The following GREB1L variants were observed in gnomAD, a reference collection of about 807,000 sequenced individuals.
GREB1L encodes GREB1 like retinoic acid receptor coactivator.
A neutral mutation model predicts 200.8 loss-of-function variants in GREB1L; 17 were observed. That is an observed-to-expected ratio of 0.08 (90% CI 0.06 to 0.13). The LOEUF (loss-of-function observed/expected upper bound fraction) is 0.13. GREB1L is among the 10% of genes least tolerant of loss of function. The probability of loss-of-function intolerance (pLI) is 1.00; values close to 1 mark genes in which losing one functional copy is unlikely to be tolerated. For synonymous variants in GREB1L, 789 were observed against 893.0 expected (o/e 0.88, Z 2.08); for missense variants, 1,657 against 2,367.7 (o/e 0.70, Z 6.23).
chr18:21,491,553 C>CA (rs1211778770), intron 19 of GREB1L, among the ~76,000 whole-genome samples: 63 of 147,336 alleles, frequency 4.3e-4, no homozygotes, highest in African/African-American at 5.7e-4. Flanking sequence ...ACTAAAAATA[C>CA]AAAAAAAAAA....
chr18:21,378,871 GT>G (rs369404327), intron 2 of GREB1L, among the ~76,000 whole-genome samples: 24 of 146,240 alleles, frequency 1.6e-4, no homozygotes, highest in South Asian at 4.4e-4. Flanking sequence ...TTAATTTAGT[GT>G]TTTTTTTTTC....
chr18:21,266,009 T>C (rs1320116837), intron 1 of GREB1L, among the ~76,000 whole-genome samples: 1 of 152,208 alleles, frequency 6.6e-6, no homozygotes, highest in Non-Finnish European at 1.5e-5. Flanking sequence ...AAGAAAAGTA[T>C]TAAAAATGTA....
chr18:21,331,919 T>C (rs1381256681), intron 1 of GREB1L, among the ~76,000 whole-genome samples: 1 of 152,242 alleles, frequency 6.6e-6, no homozygotes, highest in Non-Finnish European at 1.5e-5. Context: ...ATATTTAAGG[T>C]ATTTACATTC....
chr18:21,379,492 A>G (rs1865880836), intron 2 of GREB1L, among the ~76,000 whole-genome samples: 2 of 152,232 alleles, frequency 1.3e-5, no homozygotes, highest in South Asian at 4.1e-4. Context: ...GATGTGAGCC[A>G]CCACGCCAGG....
chr18:21,279,586 A>G (rs571135604), intron 1 of GREB1L, among the ~76,000 whole-genome samples: 28 of 152,328 alleles, frequency 1.8e-4, no homozygotes, highest in African/African-American at 6.0e-4. Context: ...AAGAGTACCA[A>G]TTTCACTGCG....
chr18:21,437,438 C>T (rs1026338291), intron 7 of GREB1L, among the ~76,000 whole-genome samples: 6 of 152,098 alleles, frequency 3.9e-5, no homozygotes, highest in Non-Finnish European at 8.8e-5. Context: ...GGCTGAACAA[C>T]TTTATAATGC....
intron 17 of GREB1L, among the ~76,000 whole-genome samples, chr18:21,484,282 C>G (rs2036040431): frequency 6.6e-6 from 1 of 150,862 alleles, no homozygotes; most frequent in South Asian, 2.1e-4. Flanking sequence ...TCAAGGTATT[C>G]TTCTGCCTCA....
chr18:21,284,538 A>G (rs1364889345), intron 1 of GREB1L, among the ~76,000 whole-genome samples: 1 of 152,194 alleles, frequency 6.6e-6, no homozygotes, highest in Non-Finnish European at 1.5e-5. Context: ...CCATTGCATG[A>G]TTATACCACA....
rs1171162360 is a variant in GREB1L, at chr18:21,505,558, G to A, written c.4219G>A (p.Val1407Ile). The A allele has an allele frequency of 6.4e-7, 1 of 1,551,616 alleles. No homozygotes were observed. Among genetic ancestry groups the A allele is most frequent in the African/African-American group, 1.4e-5 (1 of 73,052 alleles). Residue 1407 changes from valine to isoleucine, a missense_variant, in exon 24 of 33, where the codon GTC (valine) becomes ATC (isoleucine). By Grantham distance (29) the Val-to-Ile change is conservative. This residue lies in a region of GREB1L where 512 missense variants were observed against 668.3 expected (regional missense o/e 0.77). Coordinates refer to ENST00000424526, the MANE Select transcript of GREB1L (RefSeq NM_001142966.3). ...GGTGTATACTGAGAAGCTGGCAGGG[G>A]TCAAACAAGGTCAGTGCAATCAGCC... ...SLVYTEKLAG[V>I]KQEVIKESKV...
chr18:21,257,041 T>C (rs904329138), intron 1 of GREB1L, among the ~76,000 whole-genome samples: 1 of 150,180 alleles, frequency 6.7e-6, no homozygotes, highest in African/African-American at 2.4e-5. Flanking sequence ...TCAGGAAATG[T>C]TAGTTATTTT....
chr18:21,387,109 A>C (rs542746260), intron 4 of GREB1L, among the ~76,000 whole-genome samples: 7 of 152,334 alleles, frequency 4.6e-5, no homozygotes, highest in African/African-American at 1.7e-4. Flanking sequence ...TTATCGGAGT[A>C]GTGTAGGTTC....
At chr18:21,299,531 TTTTC>T (rs964513064) in intron 1 of GREB1L, among the ~76,000 whole-genome samples, 4 of 151,670 alleles carry the variant, frequency 2.6e-5, no homozygotes, top group South Asian at 2.1e-4. Context: ...CTTTTTTTTT[TTTTC>T]TTTCTTTCTT....
intron 16 of GREB1L, among the ~76,000 whole-genome samples, chr18:21,476,395 A>G (rs566360186): frequency 5.3e-5 from 8 of 151,806 alleles, no homozygotes; most frequent in Admixed American, 1.3e-4. Context: ...GAAGGGAGGG[A>G]GAGAGAGAGA....
intron 32 of GREB1L, among the ~76,000 whole-genome samples, chr18:21,521,349 C>T (rs1490364040): frequency 2.7e-5 from 4 of 147,670 alleles, no homozygotes; most frequent in African/African-American, 7.5e-5. Flanking sequence ...CCAGCCTGGG[C>T]AACAACAGTG....
At chr18:21,304,303 T>C (rs2038665221) in intron 1 of GREB1L, among the ~76,000 whole-genome samples, 3 of 151,998 alleles carry the variant, frequency 2.0e-5, no homozygotes, top group African/African-American at 7.2e-5. Flanking sequence ...TCATACAGTC[T>C]TTGGTAGGGG....
intron 2 of GREB1L, among the ~76,000 whole-genome samples, chr18:21,374,994 G>A (rs1207186380): frequency 6.6e-6 from 1 of 151,314 alleles, no homozygotes; most frequent in Non-Finnish European, 1.5e-5. Context: ...TGAGACTACA[G>A]GCACCTGCCA....
rs533075938 is a variant in GREB1L, at chr18:21,393,866, A to G, written c.356-1519A>G. On this transcript the variant is annotated intron_variant, in intron 4 of 32. Coordinates refer to ENST00000424526, the MANE Select transcript of GREB1L (RefSeq NM_001142966.3). ...TGTGAGCCACTGCGCCCGGCCTGAA[A>G]TAGCATTTATCATACTTTTATTCAG... 3.3e-5 allele frequency among the ~76,000 whole-genome samples: 5 copies of G among 152,306 alleles called. No individual in the cohort carries two copies. In the South Asian group the frequency reaches 1.0e-3, roughly 32 times the overall value.
intron 1 of GREB1L, among the ~76,000 whole-genome samples, chr18:21,267,370 C>G (rs186968523): frequency 1.2e-3 from 183 of 152,030 alleles, no homozygotes; most frequent in African/African-American, 4.0e-3. Context: ...TTAGTAGACA[C>G]TGGGTTTCAC....
At position 21,451,161 on chromosome 18, in the gene GREB1L, T is replaced by C. The variant is rs115901628; in HGVS notation, c.1849+10T>C. 1.5e-3 allele frequency: 2,334 copies of C among 1,551,116 alleles called. 24 individuals carry two copies. In the African/African-American group the frequency reaches 0.028, roughly 19 times the overall value. On this transcript the variant is annotated intron_variant, in intron 13 of 32. Coordinates refer to ENST00000424526, the MANE Select transcript of GREB1L (RefSeq NM_001142966.3). ...AAAACCACATCATTAGGTGAGTGGT[T>C]GTAAGATTTGGCAACACTGGCAGCC...
Sources: allele counts gnomAD v4.1 joint callset (sites outside exome capture counted in the v4.1 genomes callset), GRCh38; gene constraint gnomAD v4.1.1; regional missense constraint gnomAD v4.1.1; transcripts MANE v1.5; gene names NCBI Gene and HGNC (gene_info 2026-07-23, HGNC 2026-07-21).